The following SSPN variants were observed in gnomAD, a reference collection of about 807,000 sequenced individuals.
The protein encoded by SSPN is sarcospan.
A neutral mutation model predicts 19.1 loss-of-function variants in SSPN; 15 were observed. That is an observed-to-expected ratio of 0.78 (90% CI 0.52 to 1.21). SSPN has a LOEUF of 1.21. Among genes scored for constraint, SSPN ranks in the 50% most tolerant of loss-of-function variants. SSPN has a pLI of 0.00. For missense variants in SSPN, 291 were observed against 314.0 expected (o/e 0.93, Z 0.55); for synonymous variants, 147 against 140.3 (o/e 1.05, Z -0.34).
intron 1 of SSPN, among the ~76,000 whole-genome samples, chr12:26,187,691 A>G (rs924079254): frequency 6.6e-6 from 1 of 152,232 alleles, no homozygotes; most frequent in Non-Finnish European, 1.5e-5. Context: ...CAATGCACTT[A>G]TAGAAGAAAA....
chr12:26,151,124 T>A (rs1451416371), intron 1 of SSPN, among the ~76,000 whole-genome samples: 1 of 152,180 alleles, frequency 6.6e-6, no homozygotes, highest in Non-Finnish European at 1.5e-5. Flanking sequence ...TATATTTTAA[T>A]ATTTCTATGA....
chr12:26,162,759 A>G (rs956855191), intron 1 of SSPN, among the ~76,000 whole-genome samples: 2 of 152,256 alleles, frequency 1.3e-5, no homozygotes, highest in African/African-American at 4.8e-5. Context: ...AGGAAACCAT[A>G]ATATAACTTG....
chr12:26,221,108 C>T (rs1012965402), intron 1 of SSPN, among the ~76,000 whole-genome samples: 1 of 152,224 alleles, frequency 6.6e-6, no homozygotes, highest in Non-Finnish European at 1.5e-5. Context: ...GCTGCAAACA[C>T]ATCTTTTGCC....
chr12:26,169,045 TTAAGG>T, intron 1 of SSPN, among the ~76,000 whole-genome samples: 1 of 142,664 alleles, frequency 7.0e-6, no homozygotes, highest in East Asian at 2.0e-4. Context: ...AAAAAAACAC[TTAAGG>T]TAATGATGGT....
chr12:26,174,850 C>T (rs1944675026), intron 1 of SSPN, among the ~76,000 whole-genome samples: 2 of 152,112 alleles, frequency 1.3e-5, no homozygotes, highest in Non-Finnish European at 2.9e-5. Context: ...AACCATTGAT[C>T]TACTTTCTGC....
chr12:26,231,154 A>C lies in SSPN; in HGVS notation c.*78A>C. ...AACAAACAAAAAAAAATTTTAAACA[A>C]AGAAAGGAAAAAAATTGACAATAAA... On this transcript the variant is annotated 3_prime_UTR_variant, in exon 3 of 3. Coordinates refer to ENST00000242729, the MANE Select transcript of SSPN (RefSeq NM_005086.5). The C allele has an allele frequency of 7.0e-7, 1 of 1,432,860 alleles. No individual in the cohort carries two copies. Among genetic ancestry groups the C allele is most frequent in the Non-Finnish European group, 9.2e-7 (1 of 1,091,434 alleles). 88.8% of individuals were successfully genotyped at this position (1,432,860 alleles called of 1,614,324 possible).
intron 1 of SSPN, among the ~76,000 whole-genome samples, chr12:26,140,724 C>T (rs183393505): frequency 3.9e-5 from 6 of 152,306 alleles, no homozygotes; most frequent in Admixed American, 1.3e-4. Context: ...CTTCACCTTC[C>T]GTCATGATTG....
chr12:26,159,945 G>C (rs553843251), intron 1 of SSPN, among the ~76,000 whole-genome samples: 8 of 152,148 alleles, frequency 5.3e-5, no homozygotes, highest in Non-Finnish European at 1.0e-4. Flanking sequence ...GATCCTCTCT[G>C]TAAGAGTCTG....
intron 1 of SSPN, among the ~76,000 whole-genome samples, chr12:26,132,905 C>T (rs532581317): frequency 1.3e-5 from 2 of 152,330 alleles, no homozygotes; most frequent in East Asian, 1.9e-4. Flanking sequence ...TTCTCATCCC[C>T]AGCCCCTCAG....
At position 26,142,203 on chromosome 12, in the gene SSPN, T is replaced by G. The variant is rs139161181; in HGVS notation, c.-31+20051T>G. 4.3e-3 allele frequency among the ~76,000 whole-genome samples: 659 copies of G among 152,260 alleles called. 2 individuals carry two copies. The highest frequency in any genetic ancestry group is 7.6e-3 in the Non-Finnish European group (516 of 68,014). On this transcript the variant is annotated intron_variant, in intron 1 of 2. Transcript: ENST00000538142. ...AAATGTTTGATTTGTCTAGGTGGCA[T>G]GAAAGGGTTTTAAGCAGTGCCAGTT...
intron 1 of SSPN, among the ~76,000 whole-genome samples, chr12:26,198,173 G>A (rs559895855): frequency 9.4e-5 from 14 of 148,876 alleles, no homozygotes; most frequent in Non-Finnish European, 1.4e-4. Flanking sequence ...TTTTGGGGGG[G>A]GGTTTTTGGA....
chr12:26,125,123 G>A (rs996609051), intron 1 of SSPN: 7 of 420,216 alleles, frequency 1.7e-5, no homozygotes, highest in Admixed American at 3.8e-5. Context: ...GGAGGGGGGC[G>A]GGGGAGGAGG....
intron 1 of SSPN, chr12:26,125,795 C>T (rs1301637225): frequency 6.8e-6 from 1 of 147,542 alleles, no homozygotes; most frequent in African/African-American, 2.5e-5. Context: ...TGAGTGGGGG[C>T]TGGGAAGGGA....
chr12:26,142,100 A>T (rs774683425), intron 1 of SSPN, among the ~76,000 whole-genome samples: 1 of 152,200 alleles, frequency 6.6e-6, no homozygotes, highest in Non-Finnish European at 1.5e-5. Flanking sequence ...AATCAACTGC[A>T]GGTGATTTGG....
intron 1 of SSPN, among the ~76,000 whole-genome samples, chr12:26,213,274 AG>A (rs1945011435): frequency 1.3e-5 from 2 of 150,882 alleles, no homozygotes; most frequent in African/African-American, 4.9e-5. Context: ...AGAAATAAAA[AG>A]AGTCAGGAAA....
intron 1 of SSPN, among the ~76,000 whole-genome samples, chr12:26,147,336 G>A (rs1419555142): frequency 5.4e-5 from 8 of 149,450 alleles, no homozygotes; most frequent in Non-Finnish European, 1.2e-4. Context: ...ACAATGGCAT[G>A]ATCTTGGCTC....
chr12:26,209,080 A>T (rs1332867451), intron 1 of SSPN, among the ~76,000 whole-genome samples: 5 of 150,234 alleles, frequency 3.3e-5, no homozygotes, highest in Non-Finnish European at 5.9e-5. Context: ...TATACACTTT[A>T]GAATAGGCTT....
At chr12:26,225,991 G>GAA (rs113937521) in intron 2 of SSPN, among the ~76,000 whole-genome samples, 12 of 141,706 alleles carry the variant, frequency 8.5e-5, no homozygotes, top group East Asian at 2.1e-4. Context: ...AAAAAAAATA[G>GAA]AAAAAAAAAA....
chr12:26,205,306 ATATGTTAT>A (rs1944921882), intron 1 of SSPN, among the ~76,000 whole-genome samples: 1 of 152,098 alleles, frequency 6.6e-6, no homozygotes, highest in African/African-American at 2.4e-5. Context: ...CCCCTTTAAG[ATATGTTAT>A]TATCAAGCCC....
Sources: gnomAD v4.1 joint callset for allele counts (sites outside exome capture counted in the v4.1 genomes callset) on GRCh38, gnomAD v4.1.1 for gene constraint, MANE v1.5 for transcripts, NCBI Gene and HGNC (gene_info 2026-07-23, HGNC 2026-07-21) for gene names.